PLB1: variants seen among roughly 807,000 people sequenced by gnomAD.
The protein encoded by PLB1 is phospholipase B1, also known as phospholipase B1, membrane-associated.
PLB1 carries 242 observed loss-of-function variants against 227.4 expected under a neutral mutation model. The ratio of observed to expected loss-of-function variants is 1.06; its 90% CI spans 0.96 to 1.18. The LOEUF is 1.18. PLB1 is among the 50% of genes most tolerant of loss of function. The probability of loss-of-function intolerance (pLI) is 0.00; values close to 1 mark genes in which losing one functional copy is unlikely to be tolerated. For synonymous variants in PLB1, 757 were observed against 682.2 expected (o/e 1.11, Z -1.71); for missense variants, 1,858 against 1,816.3 (o/e 1.02, Z -0.42).
intron 9 of PLB1, among the ~76,000 whole-genome samples, chr2:28,534,417 T>C (rs540320329): frequency 6.6e-6 from 1 of 152,056 alleles, no homozygotes; most frequent in Admixed American, 6.5e-5. Flanking sequence ...GTAAAAAAAA[T>C]AGAATAGAAT....
In PLB1 at chr2:28,575,726, T is replaced by G. The variant is rs1177938626; in HGVS notation, c.1434-2381T>G. 2.6e-5 allele frequency among the ~76,000 whole-genome samples: 4 copies of G among 152,070 alleles called. No individual in the cohort carries two copies. The East Asian group carries it at 7.7e-4, about 29-fold the overall frequency. Reference sequence around the variant, plus strand: ...GCTGGGACTATGAGTGCATTTTCTGTATTTTTAGTAGAGACAGCGTTTCAC... The same window carrying G: ...GCTGGGACTATGAGTGCATTTTCTGGATTTTTAGTAGAGACAGCGTTTCAC... On this transcript the variant is annotated intron_variant, in intron 21 of 57. Coordinates refer to ENST00000327757, the MANE Select transcript of PLB1 (RefSeq NM_153021.5).
intron 5 of PLB1, 99 bp downstream of exon 5, chr2:28,525,406 C>A: frequency 7.5e-7 from 1 of 1,335,078 alleles, no homozygotes; most frequent in Non-Finnish European, 1.0e-6. Flanking sequence ...GCCAGGGAGG[C>A]TCAGTGCCTT....
chr2:28,581,446 C>A, intron 23 of PLB1, among the ~76,000 whole-genome samples: 1 of 146,718 alleles, frequency 6.8e-6, no homozygotes. Context: ...TTTGGCTCTA[C>A]AGTTAGTGGA....
At chr2:28,564,088 G>GA (rs1276594433) in intron 18 of PLB1, among the ~76,000 whole-genome samples, 1 of 151,874 alleles carries the variant, frequency 6.6e-6, no homozygotes, top group Non-Finnish European at 1.5e-5. Context: ...AAAAAGAAAA[G>GA]AAAAAAAATT....
At chr2:28,579,993 A>T (rs1364612764) in intron 23 of PLB1, among the ~76,000 whole-genome samples, 1 of 152,168 alleles carries the variant, frequency 6.6e-6, no homozygotes, top group Middle Eastern at 3.2e-3. Flanking sequence ...TGACTAGAAA[A>T]ATCTTTCCCA....
chr2:28,603,826 G>C, intron 39 of PLB1, 140 bp from the exon 40 acceptor site: 2 of 732,472 alleles, frequency 2.7e-6, no homozygotes, highest in Non-Finnish European at 4.6e-6. Flanking sequence ...GAGCATGTGC[G>C]CCAGAGCCTC....
chr2:28,528,161 C>G (rs1043548772), intron 6 of PLB1, among the ~76,000 whole-genome samples: 2 of 152,212 alleles, frequency 1.3e-5, no homozygotes, highest in African/African-American at 2.4e-5. Context: ...TCCAGGCCAG[C>G]TCTCCCACCC....
Position 28,592,730 on chromosome 2 carries a change from T to G in PLB1, c.2247+11T>G. On this transcript the variant is annotated intron_variant, in intron 32 of 57. Coordinates refer to ENST00000327757, the MANE Select transcript of PLB1 (RefSeq NM_153021.5). Reference sequence around the variant, plus strand: ...GGGGATTCTCTGACCGTAAGGACTCTTGGGCCCCAGGTGGTTTGGGGATAA... The same window carrying G: ...GGGGATTCTCTGACCGTAAGGACTCGTGGGCCCCAGGTGGTTTGGGGATAA... The G allele has an allele frequency of 6.2e-7, 1 of 1,613,760 alleles. No homozygotes were observed. The highest frequency in any genetic ancestry group is 1.1e-5 in the South Asian group (1 of 91,062).
chr2:28,602,360 C>T (rs916006040), intron 38 of PLB1, among the ~76,000 whole-genome samples: 4 of 152,210 alleles, frequency 2.6e-5, no homozygotes, highest in Admixed American at 6.5e-5. Flanking sequence ...GCACATTCCC[C>T]CTCCACCACC....
chr2:28,579,562 T>C, intron 22 of PLB1, 65 bp from the exon 23 acceptor site: 1 of 1,307,218 alleles, frequency 7.6e-7, no homozygotes, highest in Non-Finnish European at 1.1e-6. Context: ...TTTGCAAGCA[T>C]TTTGTGTTTT....
At chr2:28,548,999 C>A in intron 15 of PLB1, 68 bp downstream of exon 15, 1 of 1,438,350 alleles carries the variant, frequency 7.0e-7, no homozygotes, top group Non-Finnish European at 9.7e-7. Flanking sequence ...GCCAAGTGGG[C>A]TTTGCTGTGA....
chr2:28,570,212 C>T (rs1677776370), intron 20 of PLB1, among the ~76,000 whole-genome samples: 1 of 151,876 alleles, frequency 6.6e-6, no homozygotes, highest in Non-Finnish European at 1.5e-5. Flanking sequence ...AAGACAAAGA[C>T]ATCACAAGGG....
intron 15 of PLB1, 71 bp from the exon 16 acceptor site, chr2:28,549,939 T>C (rs1018422452): frequency 2.2e-6 from 3 of 1,346,474 alleles, no homozygotes; most frequent in Non-Finnish European, 3.2e-6. Context: ...CATCACTGGA[T>C]GCTGAAGCCT....
At chr2:28,545,534 T>C (rs1216490773) in intron 14 of PLB1, among the ~76,000 whole-genome samples, 2 of 152,096 alleles carry the variant, frequency 1.3e-5, no homozygotes, top group Non-Finnish European at 2.9e-5. Flanking sequence ...TCGGTCCCAC[T>C]TTCGGTGGTT....
chr2:28,547,355 G>T (rs1673454089), intron 14 of PLB1, among the ~76,000 whole-genome samples: 2 of 152,172 alleles, frequency 1.3e-5, no homozygotes, highest in Non-Finnish European at 2.9e-5. Flanking sequence ...GCCACCATCA[G>T]AATAAAACAG....
intron 1 of PLB1, among the ~76,000 whole-genome samples, chr2:28,510,533 T>G (rs1326406707): frequency 6.6e-6 from 1 of 152,100 alleles, no homozygotes; most frequent in African/African-American, 2.4e-5. Flanking sequence ...CCTCCTCAGC[T>G]TCTGTTTAAA....
intron 20 of PLB1, 92 bp from the exon 21 acceptor site, chr2:28,573,105 C>G: frequency 2.1e-6 from 2 of 971,730 alleles, no homozygotes; most frequent in South Asian, 2.8e-5. Context: ...GGAGTGGGGA[C>G]TCTGTTCCCT....
In PLB1 at chr2:28,628,637, G is replaced by C. The variant is rs754122377; in HGVS notation, c.3726+9G>C. 2.5e-5 allele frequency: 40 copies of C among 1,613,930 alleles called. No homozygotes were observed. The highest frequency in any genetic ancestry group is 3.3e-4 in the Middle Eastern group (2 of 6,082). On this transcript the variant is annotated intron_variant, in intron 52 of 57. Transcript: ENST00000327757. ...ACATCCTCTCTGAGGAGGTAGGAGA[G>C]GGGTTACGTGTTCCTGGGTCCCGCC...
At chr2:28,611,143 CGGCTGCCTG>C (rs1283605188) in intron 43 of PLB1, among the ~76,000 whole-genome samples, 1 of 152,140 alleles carries the variant, frequency 6.6e-6, no homozygotes, top group Non-Finnish European at 1.5e-5. Flanking sequence ...TGAGGCACCC[CGGCTGCCTG>C]TCTGCCACAA....
Sources: allele counts gnomAD v4.1 joint callset (sites outside exome capture counted in the v4.1 genomes callset), GRCh38; gene constraint gnomAD v4.1.1; transcripts MANE v1.5; gene names NCBI Gene and HGNC (gene_info 2026-07-23, HGNC 2026-07-21).